FAF1: variants seen among roughly 807,000 people sequenced by gnomAD.
The protein encoded by FAF1 is FAS-associated factor 1.
A neutral mutation model predicts 92.5 loss-of-function variants in FAF1; 25 were observed. The observed-to-expected ratio is 0.27, with a 90% CI of 0.20 to 0.38. The LOEUF is 0.38. Ranked by LOEUF, FAF1 falls within the 10% of genes least tolerant of loss-of-function variation. The probability of loss-of-function intolerance (pLI) is 1.00; values close to 1 mark genes in which losing one functional copy is unlikely to be tolerated. For missense variants in FAF1, 636 were observed against 793.3 expected (o/e 0.80, Z 2.38); for synonymous variants, 234 against 273.2 (o/e 0.86, Z 1.42).
At chr1:50,593,394 A>G (rs1651624516) in intron 9 of FAF1, among the ~76,000 whole-genome samples, 1 of 152,244 alleles carries the variant, frequency 6.6e-6, no homozygotes, top group Non-Finnish European at 1.5e-5. Context: ...AGGACACAGA[A>G]TAATTAAAAA....
At chr1:50,517,971 C>G (rs1647278856) in intron 15 of FAF1, among the ~76,000 whole-genome samples, 1 of 152,032 alleles carries the variant, frequency 6.6e-6, no homozygotes, top group Non-Finnish European at 1.5e-5. Context: ...ATTTTATTTC[C>G]AAATGAACAT....
At chr1:50,693,322 A>G (rs1194881084) in intron 7 of FAF1, among the ~76,000 whole-genome samples, 1 of 152,072 alleles carries the variant, frequency 6.6e-6, no homozygotes, top group Non-Finnish European at 1.5e-5. Context: ...TTTCTTGGTA[A>G]TCTTGCTGAA....
chr1:50,680,647 C>T (rs1045381716), intron 7 of FAF1, among the ~76,000 whole-genome samples: 1 of 151,724 alleles, frequency 6.6e-6, no homozygotes, highest in Non-Finnish European at 1.5e-5. Context: ...TGTGCCATTG[C>T]ACTCCAGCCT....
chr1:50,748,345 A>G lies in FAF1; in HGVS notation c.368-3570T>C, dbSNP rs980067819. Among the ~76,000 whole-genome samples, 3 of 152,098 alleles carry G rather than the reference A, an allele frequency of 2.0e-5. No homozygotes were observed. The East Asian group carries it at 5.8e-4, about 29-fold the overall frequency. On this transcript the variant is annotated intron_variant, in intron 4 of 18. Coordinates refer to ENST00000396153, the MANE Select transcript of FAF1 (RefSeq NM_007051.3). ...ACCCTGTCTCTACTAAAAATACAAA[A>G]AATTAGCCAGGCGTGGTGGCACATG...
chr1:50,845,868 A>C lies in FAF1; in HGVS notation c.114+12061T>G, dbSNP rs368159655. On this transcript the variant is annotated intron_variant, in intron 2 of 18. Coordinates refer to ENST00000396153, the MANE Select transcript of FAF1 (RefSeq NM_007051.3). ...CCAGGCGTGGTGGCTCATGCCTGTA[A>C]TCCCTGCACTTTGGGAGGTCAAGAC... is the stretch of plus-strand genomic sequence containing the variant. 1.8e-4 allele frequency among the ~76,000 whole-genome samples: 28 copies of C among 152,224 alleles called. No individual in the cohort carries two copies. The East Asian group carries it at 3.1e-3, about 17-fold the overall frequency.
intron 2 of FAF1, among the ~76,000 whole-genome samples, chr1:50,826,001 C>A (rs1030715127): frequency 6.6e-6 from 1 of 151,894 alleles, no homozygotes; most frequent in African/African-American, 2.4e-5. Context: ...GCAAAACATA[C>A]GATATGCATC....
At chr1:50,952,984 G>C (rs1012803834) in intron 1 of FAF1, among the ~76,000 whole-genome samples, 2 of 152,218 alleles carry the variant, frequency 1.3e-5, no homozygotes, top group African/African-American at 4.8e-5. Context: ...AAAGAGAGAT[G>C]GGATTGTTGC....
intron 4 of FAF1, among the ~76,000 whole-genome samples, chr1:50,757,650 C>G (rs1381347004): frequency 6.6e-6 from 1 of 152,084 alleles, no homozygotes; most frequent in African/African-American, 2.4e-5. Flanking sequence ...CTTTATAAAG[C>G]AGGTTTCCTG....
chr1:50,460,816 G>T (rs1208064774), intron 18 of FAF1, among the ~76,000 whole-genome samples: 2 of 150,998 alleles, frequency 1.3e-5, no homozygotes, highest in African/African-American at 4.9e-5. Context: ...ATATGTGTGT[G>T]TGTGTGTGTG....
intron 15 of FAF1, among the ~76,000 whole-genome samples, chr1:50,520,332 T>C (rs1297559453): frequency 1.3e-5 from 2 of 152,194 alleles, no homozygotes; most frequent in Non-Finnish European, 2.9e-5. Flanking sequence ...TAAAGTAATT[T>C]GGAGAGGTAA....
intron 4 of FAF1, among the ~76,000 whole-genome samples, chr1:50,761,145 T>C (rs1019950715): frequency 7.2e-5 from 11 of 152,176 alleles, no homozygotes; most frequent in African/African-American, 2.4e-4. Flanking sequence ...CAGGAAGAAG[T>C]TGAATCTCTG....
chr1:50,506,675 G>C (rs1175244057), intron 15 of FAF1, among the ~76,000 whole-genome samples: 1 of 152,184 alleles, frequency 6.6e-6, no homozygotes, highest in Non-Finnish European at 1.5e-5. Context: ...GTAAGTTAAT[G>C]TATGGTTGAT....
chr1:50,675,330 C>T (rs906216208), intron 7 of FAF1, among the ~76,000 whole-genome samples: 1 of 152,142 alleles, frequency 6.6e-6, no homozygotes, highest in African/African-American at 2.4e-5. Context: ...GAGCAGCAGT[C>T]GAAAATGCAA....
intron 8 of FAF1, among the ~76,000 whole-genome samples, chr1:50,641,412 A>C (rs932323162): frequency 4.3e-4 from 65 of 152,212 alleles, no homozygotes; most frequent in Non-Finnish European, 1.9e-4. Context: ...TTAAAATGTT[A>C]CCAATCTTTT....
At chr1:50,506,665 G>GT (rs1336642961) in intron 15 of FAF1, among the ~76,000 whole-genome samples, 15 of 152,276 alleles carry the variant, frequency 9.9e-5, no homozygotes, top group Admixed American at 8.5e-4. Context: ...AATTTTCAGC[G>GT]TAAGTTAATG....
intron 4 of FAF1, among the ~76,000 whole-genome samples, chr1:50,786,294 T>C (rs965546302): frequency 1.3e-5 from 2 of 152,250 alleles, no homozygotes; most frequent in African/African-American, 4.8e-5. Context: ...AAGAAAATCC[T>C]GCTATATGCT....
intron 7 of FAF1, among the ~76,000 whole-genome samples, chr1:50,669,362 T>G (rs1235507217): frequency 6.6e-6 from 1 of 152,202 alleles, no homozygotes; most frequent in Non-Finnish European, 1.5e-5. Flanking sequence ...AAGTAGTTTT[T>G]CACTGTACAT....
intron 15 of FAF1, among the ~76,000 whole-genome samples, chr1:50,512,570 A>C (rs926550086): frequency 2.0e-5 from 3 of 152,056 alleles, no homozygotes; most frequent in Non-Finnish European, 4.4e-5. Flanking sequence ...TTCTGAGGCC[A>C]CTGTTCTGTT....
chr1:50,528,935 A>T (rs1311068434), intron 15 of FAF1, among the ~76,000 whole-genome samples: 1 of 152,214 alleles, frequency 6.6e-6, no homozygotes, highest in Non-Finnish European at 1.5e-5. Context: ...TTTCTTAATA[A>T]CATTTTATTT....
Sources: gnomAD v4.1 joint callset for allele counts (sites outside exome capture counted in the v4.1 genomes callset) on GRCh38, gnomAD v4.1.1 for gene constraint, MANE v1.5 for transcripts, NCBI Gene and HGNC (gene_info 2026-07-23, HGNC 2026-07-21) for gene names.